Variants in WDPCP observed in about 807,000 individuals in gnomAD.
WDPCP encodes WD repeat containing planar cell polarity effector, also known as WD repeat-containing and planar cell polarity effector protein fritz homolog.
In WDPCP, 71 loss-of-function variants were observed where a neutral mutation model predicts 93.1. That is an observed-to-expected ratio of 0.76 (90% CI 0.63 to 0.93). The LOEUF is 0.93. Among genes scored for constraint, WDPCP ranks in the 40% least tolerant of loss-of-function variants. The pLI is 0.00. For missense variants in WDPCP, 844 were observed against 887.4 expected, an observed-to-expected ratio of 0.95 and a Z score of 0.62; for synonymous variants, 315 against 315.0, an observed-to-expected ratio of 1.00 and a Z score of 0.00.
rs1687166120 is a variant in WDPCP, at chr2:63,322,267, CTG to C, written c.1749-8958_1749-8957del. Among the ~76,000 whole-genome samples, 4 of 152,114 alleles carry C rather than the reference CTG, an allele frequency of 2.6e-5. No homozygotes were observed. The South Asian group carries it at 8.4e-4, about 32-fold the overall frequency. ...TCTGTAAAATGGACCAATCAGCACT[CTG>C]TAAAATGGACCAATCAGCAGGATGT... is the stretch of plus-strand genomic sequence containing the variant. On this transcript the variant is annotated intron_variant, in intron 12 of 17. Coordinates refer to ENST00000272321, the MANE Select transcript of WDPCP (RefSeq NM_015910.7).
At chr2:63,436,644 G>C (rs1697152941) in intron 8 of WDPCP, among the ~76,000 whole-genome samples, 1 of 152,082 alleles carries the variant, frequency 6.6e-6, no homozygotes, top group Non-Finnish European at 1.5e-5. Context: ...CCAGTGAACA[G>C]TGAACTGTCT....
intron 12 of WDPCP, among the ~76,000 whole-genome samples, chr2:63,313,686 G>A (rs1033078037): frequency 1.3e-5 from 2 of 151,842 alleles, no homozygotes; most frequent in African/African-American, 4.8e-5. Context: ...AATGAAGAGT[G>A]TCTTGTACTA....
chr2:63,159,983 C>G (rs1672535291), intron 15 of WDPCP, among the ~76,000 whole-genome samples: 1 of 152,128 alleles, frequency 6.6e-6, no homozygotes. Flanking sequence ...CTTCCATGTA[C>G]CTCCATGGTT....
intron 1 of WDPCP, among the ~76,000 whole-genome samples, chr2:63,495,226 C>T (rs1701152963): frequency 6.6e-6 from 1 of 152,086 alleles, no homozygotes; most frequent in African/African-American, 2.4e-5. Flanking sequence ...AGTTCATTAT[C>T]AGCAAGCAGT....
chr2:63,707,658 C>T (rs1020446560), intron 2 of WDPCP, among the ~76,000 whole-genome samples: 3 of 152,196 alleles, frequency 2.0e-5, no homozygotes, highest in Non-Finnish European at 2.9e-5. Flanking sequence ...AGCTTTGTTC[C>T]GTTGCTGGTG....
rs548254814 is a variant in WDPCP at position 63,756,360 on chromosome 2, A to C, written n.308+57262T>G. Reference sequence around the variant, plus strand: ...GTTATTATAACAATTTAAGAAAGCAATAGCCTTATTTCAGGGTCCATCAGT... The same window carrying C: ...GTTATTATAACAATTTAAGAAAGCACTAGCCTTATTTCAGGGTCCATCAGT... On this transcript the variant is annotated intron_variant and non_coding_transcript_variant, in intron 2 of 4. Coordinates refer to the WDPCP transcript ENST00000467687. Among the ~76,000 whole-genome samples, 5 of 152,348 alleles carry C rather than the reference A, an allele frequency of 3.3e-5. No homozygotes were observed. The East Asian group carries it at 5.8e-4, about 18-fold the overall frequency.
intron 2 of WDPCP, among the ~76,000 whole-genome samples, chr2:63,691,504 G>T (rs1035665989): frequency 5.3e-5 from 8 of 152,042 alleles, no homozygotes; most frequent in African/African-American, 1.9e-4. Flanking sequence ...GCGTGGTGGT[G>T]GGCACCTGTA....
At chr2:63,229,183 G>A (rs1416273243) in intron 14 of WDPCP, 1 of 152,222 alleles carries the variant, frequency 6.6e-6, no homozygotes, top group Admixed American at 6.5e-5. Context: ...CTGATGGCCA[G>A]TGATGATGAG....
intron 1 of WDPCP, among the ~76,000 whole-genome samples, chr2:63,534,742 A>G (rs944021275): frequency 8.5e-5 from 13 of 152,182 alleles, no homozygotes; most frequent in Admixed American, 6.5e-4. Flanking sequence ...TGACAAACCC[A>G]CAGCCAATAT....
At chr2:63,593,628 G>A (rs114747273), upstream of WDPCP, 329 of 471,696 alleles carry the variant, frequency 7.0e-4, 1 homozygote, top group African/African-American at 5.9e-3. Flanking sequence ...TCTCCATGCA[G>A]GTAGGGGTAA....
chr2:63,390,694 A>G (rs1289943669), intron 10 of WDPCP, among the ~76,000 whole-genome samples: 1 of 152,214 alleles, frequency 6.6e-6, no homozygotes, highest in Non-Finnish European at 1.5e-5. Context: ...AATAGATGCA[A>G]TAAAAAATGA....
intron 13 of WDPCP, among the ~76,000 whole-genome samples, chr2:63,268,048 G>A (rs2104834484): frequency 6.6e-6 from 1 of 152,252 alleles, no homozygotes; most frequent in Non-Finnish European, 1.5e-5. Context: ...TTTCACAATA[G>A]CCAAGTTATG....
At chr2:63,207,571 A>T (rs750422854) in intron 14 of WDPCP, among the ~76,000 whole-genome samples, 1 of 152,174 alleles carries the variant, frequency 6.6e-6, no homozygotes, top group African/African-American at 2.4e-5. Context: ...TGAGTATCTT[A>T]AATATATTTC....
chr2:63,838,339 A>T, the WDPCP span, among the ~76,000 whole-genome samples: 6 of 152,206 alleles, frequency 3.9e-5, no homozygotes, highest in African/African-American at 1.4e-4. Flanking sequence ...TGAGGTTGTT[A>T]TACATCCTAG....
At chr2:63,346,145 G>A (rs1252986870) in intron 12 of WDPCP, among the ~76,000 whole-genome samples, 1 of 152,130 alleles carries the variant, frequency 6.6e-6, no homozygotes, top group African/African-American at 2.4e-5. Flanking sequence ...CCCAAGAGAT[G>A]GAGCTAATTG....
At chr2:63,739,056 TG>T (rs1669678068) in intron 2 of WDPCP, among the ~76,000 whole-genome samples, 1 of 152,144 alleles carries the variant, frequency 6.6e-6, no homozygotes, top group Admixed American at 6.5e-5. Flanking sequence ...ATTTTAGGTT[TG>T]GGGGTACTTG....
At chr2:63,654,725 C>T (rs1320720474) in intron 2 of WDPCP, among the ~76,000 whole-genome samples, 1 of 152,098 alleles carries the variant, frequency 6.6e-6, no homozygotes, top group Non-Finnish European at 1.5e-5. Context: ...ACTTATGCAC[C>T]GTCCCCTACA....
chr2:63,208,153 G>C (rs1407943236), intron 14 of WDPCP, among the ~76,000 whole-genome samples: 2 of 151,636 alleles, frequency 1.3e-5, no homozygotes, highest in African/African-American at 4.8e-5. Context: ...TTAAAATATT[G>C]GGGTCAATTC....
chr2:63,545,944 C>T (rs1705122824), intron 1 of WDPCP, among the ~76,000 whole-genome samples: 1 of 151,644 alleles, frequency 6.6e-6, no homozygotes, highest in Non-Finnish European at 1.5e-5. Flanking sequence ...AAACCTTTAT[C>T]TTTGCTAGAC....
Sources: allele counts gnomAD v4.1 joint callset (sites outside exome capture counted in the v4.1 genomes callset), GRCh38; gene constraint gnomAD v4.1.1; transcripts MANE v1.5; gene names NCBI Gene and HGNC (gene_info 2026-07-23, HGNC 2026-07-21).